Variants in PCDH15 observed in about 807,000 individuals in gnomAD.
PCDH15 encodes the protein protocadherin-15.
PCDH15 carries 129 observed loss-of-function variants against 178.5 expected under a neutral mutation model. That is an observed-to-expected ratio of 0.72 (90% CI 0.63 to 0.84). The LOEUF (loss-of-function observed/expected upper bound fraction) is 0.84, where lower values mean the gene tolerates loss of function less well. PCDH15 is among the 40% of genes least tolerant of loss of function. The pLI, the probability that PCDH15 is intolerant of heterozygous loss-of-function variation, is 0.00. For synonymous variants in PCDH15, 800 were observed against 732.0 expected (o/e 1.09, Z -1.50); for missense variants, 2,230 against 2,099.9 (o/e 1.06, Z -1.21).
At chr10:54,310,858 A>G (rs61853315) in intron 8 of PCDH15, among the ~76,000 whole-genome samples, 31,596 of 151,954 alleles carry the variant, frequency 0.21, 3,369 homozygotes, top group Admixed American at 0.24. Context: ...TTTAAGAGGC[A>G]AAATCCAAGG....
At chr10:54,745,464 T>C (rs916806832) in intron 1 of PCDH15, among the ~76,000 whole-genome samples, 4 of 152,108 alleles carry the variant, frequency 2.6e-5, no homozygotes, top group African/African-American at 9.7e-5. Context: ...TCTCTGATAA[T>C]GGTAAATTCT....
intron 2 of PCDH15, among the ~76,000 whole-genome samples, chr10:55,409,623 A>G (rs1838285131): frequency 6.6e-6 from 1 of 152,092 alleles, no homozygotes; most frequent in East Asian, 1.9e-4. Flanking sequence ...AACAAAATAG[A>G]TATGCATTCA....
chr10:54,316,807 A>G (rs1238683611), intron 8 of PCDH15, among the ~76,000 whole-genome samples: 1 of 152,176 alleles, frequency 6.6e-6, no homozygotes, highest in Non-Finnish European at 1.5e-5. Flanking sequence ...AGAGGTAAGT[A>G]TTTGTATTCA....
chr10:55,250,728 G>C (rs1407568827), intron 1 of PCDH15, among the ~76,000 whole-genome samples: 1 of 150,756 alleles, frequency 6.6e-6, no homozygotes, highest in East Asian at 2.0e-4. Context: ...GTAGAGACGG[G>C]GTTTCACCAC....
At chr10:55,532,771 T>C (rs1841482351) in intron 2 of PCDH15, among the ~76,000 whole-genome samples, 1 of 152,026 alleles carries the variant, frequency 6.6e-6, no homozygotes, top group Non-Finnish European at 1.5e-5. Context: ...TCAGGCTGTA[T>C]ACATTTCTGC....
At chr10:54,102,803 C>T (rs1471550953) in intron 15 of PCDH15, among the ~76,000 whole-genome samples, 1 of 152,116 alleles carries the variant, frequency 6.6e-6, no homozygotes, top group Non-Finnish European at 1.5e-5. Flanking sequence ...TCCAAGGACC[C>T]ACTGGATAAC....
At chr10:55,119,581 T>C (rs142735846) in intron 2 of PCDH15, among the ~76,000 whole-genome samples, 40 of 152,140 alleles carry the variant, frequency 2.6e-4, no homozygotes, top group African/African-American at 8.4e-4. Context: ...TGCTGACTCT[T>C]GCTGTTTTCC....
intron 1 of PCDH15, among the ~76,000 whole-genome samples, chr10:54,691,501 G>A (rs966411868): frequency 7.9e-5 from 12 of 151,780 alleles, no homozygotes; most frequent in Non-Finnish European, 1.8e-4. Flanking sequence ...TTTTGCACCA[G>A]TGCATTAATT....
At chr10:53,887,215 C>T (rs1456358829) in intron 26 of PCDH15, among the ~76,000 whole-genome samples, 3 of 152,104 alleles carry the variant, frequency 2.0e-5, no homozygotes, top group African/African-American at 7.2e-5. Context: ...TATAGTATTT[C>T]GTCTTCCTAA....
At chr10:54,956,760 C>A (rs1838499275) in intron 2 of PCDH15, among the ~76,000 whole-genome samples, 1 of 151,540 alleles carries the variant, frequency 6.6e-6, no homozygotes, top group Admixed American at 6.6e-5. Context: ...TATAAACATG[C>A]TGTTTGGTGG....
At chr10:54,879,730 C>G (rs1174107199) in intron 3 of PCDH15, among the ~76,000 whole-genome samples, 1 of 151,318 alleles carries the variant, frequency 6.6e-6, no homozygotes, top group South Asian at 2.1e-4. Context: ...ATGAAATTCA[C>G]ATTCCTACAT....
At chr10:55,181,269 T>A (rs1428205167) in intron 1 of PCDH15, among the ~76,000 whole-genome samples, 2 of 152,056 alleles carry the variant, frequency 1.3e-5, no homozygotes, top group East Asian at 3.9e-4. Flanking sequence ...TTTGCCTTTT[T>A]TAAGTGAAAA....
intron 3 of PCDH15, among the ~76,000 whole-genome samples, chr10:54,388,062 C>A (rs1589159251): frequency 6.6e-6 from 1 of 152,144 alleles, no homozygotes; most frequent in South Asian, 2.1e-4. Context: ...GTAATGGCTG[C>A]ACAACTGTAT....
chr10:54,048,071 T>G (rs2093691683), intron 18 of PCDH15, among the ~76,000 whole-genome samples: 1 of 152,160 alleles, frequency 6.6e-6, no homozygotes, highest in African/African-American at 2.4e-5. Flanking sequence ...CAAACATCTG[T>G]TATCTTTTGA....
At chr10:54,451,296 TA>T (rs2076463159) in intron 3 of PCDH15, among the ~76,000 whole-genome samples, 1 of 151,896 alleles carries the variant, frequency 6.6e-6, no homozygotes, top group Admixed American at 6.6e-5. Flanking sequence ...TTGAAATTTT[TA>T]CTGACTTCAT....
intron 2 of PCDH15, among the ~76,000 whole-genome samples, chr10:55,359,720 G>GTATATATATATATATATATA (rs57949952): frequency 1.8e-4 from 20 of 112,888 alleles, no homozygotes; most frequent in African/African-American, 7.3e-4. Context: ...AAAATGTGGT[G>GTATATATATATATATATATA]TATATATATA....
chr10:54,788,364 C>T (rs1951087195), intron 1 of PCDH15, among the ~76,000 whole-genome samples: 1 of 151,694 alleles, frequency 6.6e-6, no homozygotes, highest in East Asian at 1.9e-4. Context: ...CATGGGATAT[C>T]CAAATGAAAG....
intron 5 of PCDH15, among the ~76,000 whole-genome samples, chr10:54,353,463 G>A (rs1944471907): frequency 2.0e-5 from 3 of 152,070 alleles, no homozygotes; most frequent in Admixed American, 6.6e-5. Flanking sequence ...ATGAACCCAT[G>A]TAATGAACAC....
In PCDH15 at chr10:53,998,838, G is replaced by T. The variant is rs193295040; in HGVS notation, c.2752-3073C>A. ...AGGCTGAGGTGGGCGGATCACCCAA[G>T]GTCAGGAGTTCGAGACCAGCCTGGC... On this transcript the variant is annotated intron_variant, in intron 20 of 37. Coordinates refer to ENST00000644397, the MANE Select transcript of PCDH15 (RefSeq NM_001384140.1). 1.7e-3 allele frequency among the ~76,000 whole-genome samples: 259 copies of T among 152,064 alleles called. 3 individuals carry two copies. The highest frequency in any genetic ancestry group is 5.9e-3 in the African/African-American group (243 of 41,502).
Sources: allele counts gnomAD v4.1 joint callset (sites outside exome capture counted in the v4.1 genomes callset), GRCh38; gene constraint gnomAD v4.1.1; transcripts MANE v1.5; gene names NCBI Gene and HGNC (gene_info 2026-07-23, HGNC 2026-07-21).